Variants in ZNF385B observed in about 807,000 individuals in gnomAD.
ZNF385B encodes zinc finger protein 385B.
ZNF385B carries 23 observed loss-of-function variants against 39.2 expected under a neutral mutation model. The ratio of observed to expected loss-of-function variants is 0.59; its 90% CI spans 0.42 to 0.83. The LOEUF (loss-of-function observed/expected upper bound fraction) is 0.83, where lower values mean the gene tolerates loss of function less well. Among genes scored for constraint, ZNF385B ranks in the 40% least tolerant of loss-of-function variants. The pLI is 0.00. For synonymous variants in ZNF385B, 205 were observed against 222.6 expected, an observed-to-expected ratio of 0.92 and a Z score of 0.70; for missense variants, 552 against 598.9, an observed-to-expected ratio of 0.92 and a Z score of 0.82.
chr2:179,543,959 T>A (rs1209219322), intron 4 of ZNF385B, among the ~76,000 whole-genome samples: 2 of 152,064 alleles, frequency 1.3e-5, no homozygotes, highest in Non-Finnish European at 2.9e-5. Flanking sequence ...ATAATGCAAT[T>A]TTTTTTTATT....
chr2:179,645,032 A>T (rs1271983259), intron 3 of ZNF385B, among the ~76,000 whole-genome samples: 1 of 152,230 alleles, frequency 6.6e-6, no homozygotes, highest in African/African-American at 2.4e-5. Context: ...ATGCTGAGGC[A>T]GTGTCATCCA....
At chr2:179,609,375 T>A (rs2106127018) in intron 3 of ZNF385B, among the ~76,000 whole-genome samples, 1 of 152,316 alleles carries the variant, frequency 6.6e-6, no homozygotes, top group African/African-American at 2.4e-5. Flanking sequence ...TCCAGCTCCA[T>A]CCATGTTGTT....
chr2:179,659,301 T>C (rs1694186441), intron 3 of ZNF385B, among the ~76,000 whole-genome samples: 1 of 152,166 alleles, frequency 6.6e-6, no homozygotes, highest in Non-Finnish European at 1.5e-5. Flanking sequence ...GTTTTCCAAA[T>C]AAATAATCCA....
chr2:179,459,212 G>C (rs1260289413), intron 6 of ZNF385B, among the ~76,000 whole-genome samples: 2 of 152,036 alleles, frequency 1.3e-5, no homozygotes, highest in Non-Finnish European at 2.9e-5. Context: ...TTGCATTTTT[G>C]TTTTTGATAA....
chr2:179,746,119 G>T (rs1702367857), intron 3 of ZNF385B: 4 of 817,936 alleles, frequency 4.9e-6, no homozygotes, highest in Non-Finnish European at 5.9e-6. Flanking sequence ...CATGAAATCA[G>T]CCACTGTGAT....
intron 5 of ZNF385B, among the ~76,000 whole-genome samples, chr2:179,504,296 T>C (rs2057045242): frequency 1.3e-5 from 2 of 151,992 alleles, no homozygotes; most frequent in Non-Finnish European, 2.9e-5. Flanking sequence ...TTTGGGTTGG[T>C]TCCAAGTCTT....
In ZNF385B at chr2:179,583,037, C is replaced by T. The variant is rs191106864; in HGVS notation, c.299-38068G>A. Among the ~76,000 whole-genome samples the T allele has an allele frequency of 1.9e-4, 29 of 152,152 alleles. 1 individual carries two copies. The East Asian group carries it at 1.9e-3, about 10-fold the overall frequency. Reference sequence around the variant, plus strand: ...GCTAATTTTGCATTTTTAGTAGAGACGGGGGTTTCACCATGTTGGTCAGGC... The same window carrying T: ...GCTAATTTTGCATTTTTAGTAGAGATGGGGGTTTCACCATGTTGGTCAGGC... On this transcript the variant is annotated intron_variant, in intron 3 of 9. Transcript: ENST00000410066.
intron 3 of ZNF385B, among the ~76,000 whole-genome samples, chr2:179,677,893 T>C (rs564247638): frequency 6.6e-6 from 1 of 152,340 alleles, no homozygotes; most frequent in East Asian, 1.9e-4. Context: ...GCATTCCTTC[T>C]AGTAGAGTTC....
At chr2:179,537,030 G>A (rs1295153459) in intron 4 of ZNF385B, among the ~76,000 whole-genome samples, 4 of 150,858 alleles carry the variant, frequency 2.7e-5, no homozygotes, top group Non-Finnish European at 5.9e-5. Flanking sequence ...GTGAGGGACG[G>A]CCGGGATAGG....
Position 179,660,054 on chromosome 2 carries a change from C to T in ZNF385B, c.298+109449G>A, listed in dbSNP as rs182146147. The T allele has an allele frequency of 2.0e-5, 3 of 152,638 alleles. No individual in the cohort carries two copies. The East Asian group carries it at 5.8e-4, about 29-fold the overall frequency. The allele number at this position is 152,638 out of a possible 1,614,324, so 9.5% of individuals were successfully genotyped here. A position where few individuals can be genotyped will look rare whatever the true frequency, so the allele number is the denominator to read the frequency against. On this transcript the variant is annotated intron_variant, in intron 3 of 9. Coordinates refer to ENST00000410066, the MANE Select transcript of ZNF385B (RefSeq NM_152520.6). ...CTCCTATCATTTTAAAACAAATCAA[C>T]ATTTGTAAATTATGCTACTTACCAA...
At chr2:179,647,448 T>C (rs1335796268) in intron 3 of ZNF385B, among the ~76,000 whole-genome samples, 2 of 152,094 alleles carry the variant, frequency 1.3e-5, no homozygotes, top group South Asian at 2.1e-4. Context: ...TATACCATAC[T>C]GCTGAGTCCT....
At chr2:179,541,086 TAAC>T (rs1360860620) in intron 4 of ZNF385B, among the ~76,000 whole-genome samples, 2 of 152,220 alleles carry the variant, frequency 1.3e-5, no homozygotes, top group Non-Finnish European at 2.9e-5. Context: ...AGCACAGAGT[TAAC>T]ATCATCATCC....
chr2:179,592,688 A>G (rs1687667572), intron 3 of ZNF385B, among the ~76,000 whole-genome samples: 1 of 152,170 alleles, frequency 6.6e-6, no homozygotes, highest in African/African-American at 2.4e-5. Flanking sequence ...TTCATGGTCC[A>G]TATGGGGTTG....
chr2:179,587,315 A>G (rs1458905962), intron 3 of ZNF385B, among the ~76,000 whole-genome samples: 1 of 152,226 alleles, frequency 6.6e-6, no homozygotes, highest in East Asian at 1.9e-4. Context: ...TTGGCTTCTA[A>G]AACATATGAA....
At chr2:179,846,239 T>C (rs1007143226) in intron 1 of ZNF385B, among the ~76,000 whole-genome samples, 18 of 152,258 alleles carry the variant, frequency 1.2e-4, no homozygotes, top group Non-Finnish European at 2.1e-4. Flanking sequence ...ACCAATAGAA[T>C]GTGTTTCAAC....
chr2:179,643,977 A>C (rs1692493027), intron 3 of ZNF385B, among the ~76,000 whole-genome samples: 1 of 152,128 alleles, frequency 6.6e-6, no homozygotes, highest in African/African-American at 2.4e-5. Flanking sequence ...GCACCACTCT[A>C]AATCTGCTTA....
intron 5 of ZNF385B, among the ~76,000 whole-genome samples, chr2:179,516,971 C>T (rs1487123966): frequency 1.3e-5 from 2 of 151,742 alleles, no homozygotes; most frequent in African/African-American, 2.4e-5. Context: ...TGAATACGTA[C>T]TTCTTCTAGC....
chr2:179,583,401 A>C (rs1371294859), intron 3 of ZNF385B, among the ~76,000 whole-genome samples: 1 of 152,210 alleles, frequency 6.6e-6, no homozygotes, highest in East Asian at 1.9e-4. Flanking sequence ...AGTTTGGAGA[A>C]GAGGCAGAAG....
At chr2:179,805,633 T>C (rs1273224202) in intron 1 of ZNF385B, among the ~76,000 whole-genome samples, 2 of 152,224 alleles carry the variant, frequency 1.3e-5, no homozygotes, top group East Asian at 1.9e-4. Context: ...TGCCTCTTAG[T>C]TTCCTTATTT....
Sources: allele counts gnomAD v4.1 joint callset (sites outside exome capture counted in the v4.1 genomes callset), GRCh38; gene constraint gnomAD v4.1.1; transcripts MANE v1.5; gene names NCBI Gene and HGNC (gene_info 2026-07-23, HGNC 2026-07-21).